The following ATR variants were observed in gnomAD, a reference collection of about 807,000 sequenced individuals.
ATR encodes the protein ATR checkpoint kinase, also known as serine/threonine-protein kinase ATR.
ATR carries 142 observed loss-of-function variants against 305.3 expected under a neutral mutation model. That is an observed-to-expected ratio of 0.47 (90% confidence interval 0.41 to 0.53). ATR has a LOEUF of 0.53. Ranked by LOEUF, ATR falls within the 20% of genes least tolerant of loss-of-function variation. ATR has a pLI of 0.00. For synonymous variants in ATR, 1,050 were observed against 1,068.1 expected (o/e 0.98, Z 0.33); for missense variants, 2,135 against 3,133.1 (o/e 0.68, Z 7.60).
chr3:142,493,782 C>G (rs977380945), intron 34 of ATR, among the ~76,000 whole-genome samples: 1 of 151,804 alleles, frequency 6.6e-6, no homozygotes, highest in Admixed American at 6.6e-5. Context: ...GGGGAAGGAT[C>G]GCTTGAGCCC....
At chr3:142,516,886 T>C (rs2032884806) in intron 24 of ATR, among the ~76,000 whole-genome samples, 2 of 151,774 alleles carry the variant, frequency 1.3e-5, no homozygotes, top group Non-Finnish European at 2.9e-5. Context: ...CGGCTACCTG[T>C]GTGTAGGATT....
intron 35 of ATR, 96 bp from the exon 36 acceptor site, chr3:142,485,378 C>A (rs2108312317): frequency 1.4e-6 from 2 of 1,438,234 alleles, no homozygotes; most frequent in Non-Finnish European, 1.9e-6. Context: ...AAGTATGTGA[C>A]CTTTATCTAG....
At position 142,522,796 on chromosome 3, in the gene ATR, G is replaced by A. The variant is rs2108395951; in HGVS notation, c.4198C>T (p.Leu1400=). 1 of 1,613,506 alleles carries A rather than the reference G, an allele frequency of 6.2e-7. No homozygotes were observed. Among genetic ancestry groups the A allele is most frequent in the African/African-American group, 1.3e-5 (1 of 74,870 alleles). ...GCATACGCAAGGTAAGCTCTTGTTA[G>A]CTCCATCAATAATCCATAGGCAAAG... The part of the protein sequence containing the change: ...SSFAYGLLME[L]TRAYLAYADN... Residue 1400 remains leucine, a synonymous_variant, in exon 23 of 47, where the codon CTA becomes TTA. Coordinates refer to ENST00000350721, the MANE Select transcript of ATR (RefSeq NM_001184.4).
intron 39 of ATR, 75 bp downstream of exon 39, chr3:142,467,854 TAATCA>T (rs1338903787): frequency 2.1e-5 from 32 of 1,508,916 alleles, no homozygotes; most frequent in Non-Finnish European, 2.8e-5. Context: ...TTAATTTAAT[TAATCA>T]AATGAAAAAA....
intron 35 of ATR, among the ~76,000 whole-genome samples, chr3:142,486,999 G>A (rs1260452129): frequency 4.6e-5 from 7 of 151,306 alleles, no homozygotes; most frequent in African/African-American, 1.5e-4. Flanking sequence ...CCGGGCGGTG[G>A]CAGGCGCCTG....
Position 142,498,579 on chromosome 3 carries a change from A to C in ATR, c.5558+18T>G. ...ACATTTATAGGCCAGAAATATAAAAATGGAAATTCCAAAATACCTCACAAT... is the reference window on the plus strand; with the variant it reads ...ACATTTATAGGCCAGAAATATAAAACTGGAAATTCCAAAATACCTCACAAT... On this transcript the variant is annotated intron_variant, in intron 32 of 46. Transcript: ENST00000350721. 6.2e-7 allele frequency: 1 copy of C among 1,611,334 alleles called. No homozygotes were observed. Among genetic ancestry groups the C allele is most frequent in the Non-Finnish European group, 8.5e-7 (1 of 1,179,196 alleles).
chr3:142,536,679 GC>G (rs998572981), intron 19 of ATR, among the ~76,000 whole-genome samples: 51 of 152,172 alleles, frequency 3.4e-4, no homozygotes, highest in African/African-American at 1.2e-3. Context: ...ATGAGAGAGG[GC>G]CCAGCCCAGT....
At chr3:142,461,144 GTTACTATACTTTTCCCTTTATAATT>G (rs2071016520) in intron 42 of ATR, among the ~76,000 whole-genome samples, 1 of 152,082 alleles carries the variant, frequency 6.6e-6, no homozygotes, top group African/African-American at 2.4e-5. Flanking sequence ...CTACTGTAAA[GTTACTATACTTTTCCCTTTATAATT>G]GTTAAGTATC....
intron 36 of ATR, among the ~76,000 whole-genome samples, chr3:142,478,644 T>A (rs2030118777): frequency 6.6e-6 from 1 of 152,342 alleles, no homozygotes; most frequent in Admixed American, 6.5e-5. Flanking sequence ...CTGGATATTC[T>A]TGTTAACCTT....
chr3:142,459,414 A>T, intron 42 of ATR, 31 bp from the exon 43 acceptor site: 1 of 1,612,558 alleles, frequency 6.2e-7, no homozygotes, highest in Non-Finnish European at 8.5e-7. Flanking sequence ...CATTAATCAC[A>T]TCAGCCAAAT....
Position 142,459,085 on chromosome 3 carries a change from C to T in ATR, c.7376G>A (p.Arg2459His), listed in dbSNP as rs754253403. 8 of 1,613,846 alleles carry T rather than the reference C, an allele frequency of 5.0e-6. No homozygotes were observed. Among genetic ancestry groups the T allele is most frequent in the Middle Eastern group, 1.6e-4 (1 of 6,084 alleles). ...AACCATTGACATTACTGCAGTGGAA[C>T]GGCAGTAAGCTGATCTACTACTGTA... is the stretch of plus-strand genomic sequence containing the variant. ...SWYSSRSAYC[R>H]STAVMSMVGY... Residue 2459 changes from arginine (R) to histidine (H), a missense_variant, in exon 44 of 47, where the codon CGT becomes CAT. This residue lies in a region of ATR where 462 missense variants were observed against 887.6 expected (regional missense o/e 0.52). Transcript: ENST00000350721.
intron 34 of ATR, among the ~76,000 whole-genome samples, chr3:142,493,630 T>C (rs921040494): frequency 7.2e-5 from 11 of 152,140 alleles, no homozygotes; most frequent in Non-Finnish European, 1.5e-4. Context: ...TGCTTTTGGA[T>C]GCCAAGGCAG....
chr3:142,542,114 C>T (rs1264168672), intron 17 of ATR, among the ~76,000 whole-genome samples: 1 of 152,102 alleles, frequency 6.6e-6, no homozygotes, highest in Non-Finnish European at 1.5e-5. Flanking sequence ...CATAAAGTTG[C>T]TTTACATTAT....
At chr3:142,578,503 T>C (rs1577731444) in intron 1 of ATR, 143 bp downstream of exon 1, 1 of 978,344 alleles carries the variant, frequency 1.0e-6, no homozygotes, top group Non-Finnish European at 1.5e-6. Flanking sequence ...AGCGCCCAAA[T>C]CAGCCACGGA....
chr3:142,536,317 T>C, intron 19 of ATR, 116 bp from the exon 20 acceptor site: 1 of 735,368 alleles, frequency 1.4e-6, no homozygotes, highest in East Asian at 2.6e-5. Flanking sequence ...TGCTAGTTGA[T>C]TACTGAGCTG....
chr3:142,515,776 G>A (rs566528325), intron 24 of ATR, among the ~76,000 whole-genome samples: 1 of 152,176 alleles, frequency 6.6e-6, no homozygotes, highest in South Asian at 2.1e-4. Context: ...CTGTTCCTTT[G>A]AAGTTCAAGC....
At chr3:142,558,866 T>C (rs1387977162) in intron 7 of ATR, 90 bp from the exon 8 acceptor site, 2 of 1,297,116 alleles carry the variant, frequency 1.5e-6, no homozygotes, top group African/African-American at 1.5e-5. Context: ...AATACTATCA[T>C]AATGATCATT....
chr3:142,486,066 C>G (rs893502008), intron 35 of ATR, among the ~76,000 whole-genome samples: 14 of 152,082 alleles, frequency 9.2e-5, no homozygotes, highest in African/African-American at 2.7e-4. Context: ...CTCACTTAGT[C>G]TCCTTTGTCA....
chr3:142,459,443 T>G, intron 42 of ATR, 60 bp from the exon 43 acceptor site: 1 of 1,591,718 alleles, frequency 6.3e-7, no homozygotes, highest in Non-Finnish European at 8.6e-7. Context: ...GGGCAAAGTT[T>G]TTTTTGTTAA....
Sources: allele counts gnomAD v4.1 joint callset (sites outside exome capture counted in the v4.1 genomes callset), GRCh38; gene constraint gnomAD v4.1.1; regional missense constraint gnomAD v4.1.1; transcripts MANE v1.5; gene names NCBI Gene and HGNC (gene_info 2026-07-23, HGNC 2026-07-21).